SLFN12L: variants seen among roughly 807,000 people sequenced by gnomAD.
The protein encoded by SLFN12L is schlafen family member 12 like, also known as schlafen family member 12-like.
SLFN12L carries 34 observed loss-of-function variants against 34.8 expected under a neutral mutation model. That is an observed-to-expected ratio of 0.98 (90% CI 0.74 to 1.30). The LOEUF is 1.30. Among genes scored for constraint, SLFN12L ranks in the 50% most tolerant of loss-of-function variants. The pLI is 0.00. For synonymous variants in SLFN12L, 259 were observed against 247.5 expected (o/e 1.05, Z -0.44); for missense variants, 703 against 696.2 (o/e 1.01, Z -0.11).
intron 2 of SLFN12L, among the ~76,000 whole-genome samples, chr17:35,519,043 G>A (rs1035388319): frequency 1.3e-5 from 2 of 152,162 alleles, no homozygotes; most frequent in Non-Finnish European, 2.9e-5. Flanking sequence ...TTGCAAAGAC[G>A]TGGATGAAGC....
In SLFN12L at chr17:35,478,998, T is replaced by A. The variant is rs1914161338; in HGVS notation, c.1165+119A>T. On this transcript the variant is annotated intron_variant, in intron 3 of 4. Coordinates refer to ENST00000628453, the MANE Select transcript of SLFN12L (RefSeq NM_001363830.2). The stretch of plus-strand genomic sequence containing the variant: ...AAGAGGCAGGGAAGTATTGGTTGTA[T>A]CCACCAGAGATGTTGAAATTTGAAG... The A allele has an allele frequency of 9.8e-6, 7 of 715,472 alleles. No individual in the cohort carries two copies. In the South Asian group the frequency reaches 1.4e-4, roughly 15 times the overall value. The allele number at this position is 715,472 out of a possible 1,614,324, so 44.3% of individuals were successfully genotyped here.
chr17:35,475,183 T>G lies in SLFN12L; in HGVS notation c.1579A>C (p.Ile527Leu), dbSNP rs767784862. The G allele has an allele frequency of 3.1e-4, 497 of 1,614,072 alleles. No individual in the cohort carries two copies. Among genetic ancestry groups the G allele is most frequent in the Non-Finnish European group, 4.1e-4 (480 of 1,180,040 alleles). Reference sequence around the variant, plus strand: ...CACACTTTTTTAGTGTAACCACCAATTTTTGCCAGCTTCTGTTTTAAAGTT... The same window carrying G: ...CACACTTTTTTAGTGTAACCACCAAGTTTTGCCAGCTTCTGTTTTAAAGTT... The part of the protein sequence containing the change: ...AQTLKQKLAK[I>L]GGYTKKVCVM... Residue 527 changes from isoleucine to leucine, a missense_variant, in exon 5 of 5, where the codon ATT (isoleucine) becomes CTT (leucine). Transcript: ENST00000628453.
At chr17:35,482,821 G>A (rs1914401127) in intron 2 of SLFN12L, among the ~76,000 whole-genome samples, 1 of 152,200 alleles carries the variant, frequency 6.6e-6, no homozygotes, top group Admixed American at 6.5e-5. Flanking sequence ...AGGGCCTGAA[G>A]GCTGGGGACC....
intron 2 of SLFN12L, chr17:35,490,863 T>A: frequency 1.1e-6 from 1 of 936,442 alleles, no homozygotes; most frequent in Non-Finnish European, 1.8e-6. Context: ...ACATTGAGGT[T>A]TACTTATGTC....
In SLFN12L at chr17:35,464,697, T is replaced by C. The variant is rs1053552148; in HGVS notation, c.*10226A>G. The C allele has an allele frequency of 6.6e-6, 1 of 152,166 alleles. No homozygotes were observed. Among genetic ancestry groups the C allele is most frequent in the African/African-American group, 2.4e-5 (1 of 41,438 alleles). The allele number at this position is 152,166 out of a possible 1,614,324, so 9.4% of individuals were successfully genotyped here. Reference sequence around the variant, plus strand: ...ATGAGCATTTAGGTTAATATAGACATAATGAATAGATTGTACATGTACATA... The same window carrying C: ...ATGAGCATTTAGGTTAATATAGACACAATGAATAGATTGTACATGTACATA... On this transcript the variant is annotated 3_prime_UTR_variant, in exon 5 of 5. Coordinates refer to ENST00000628453, the MANE Select transcript of SLFN12L (RefSeq NM_001363830.2).
At chr17:35,530,531 A>G (rs1178623010) in intron 1 of SLFN12L, among the ~76,000 whole-genome samples, 6 of 48,294 alleles carry the variant, frequency 1.2e-4, no homozygotes, top group African/African-American at 3.4e-4. Flanking sequence ...AGAAAAGAAA[A>G]GAAAAGAAAA....
chr17:35,479,872 T>A lies in SLFN12L; in HGVS notation c.410A>T (p.Asp137Val). The change falls in exon 3 of 5, where the codon GAC becomes GTC. Residue 137 changes from aspartate (D) to valine (V), a missense_variant. Physicochemically the swap from Asp to Val is radical, Grantham distance 152. Transcript: ENST00000628453. ...NMLPFVPNFLDFMQNGNYFHI... is the reference protein window; with the variant it reads ...NMLPFVPNFLVFMQNGNYFHI... ...AAAGTAGTTACCATTCTGCATGAAG[T>A]CCAGGAAATTAGGAACAAATGGCAG... is the stretch of plus-strand genomic sequence containing the variant. The A allele has an allele frequency of 6.2e-7, 1 of 1,609,404 alleles. No homozygotes were observed. Among genetic ancestry groups the A allele is most frequent in the African/African-American group, 1.3e-5 (1 of 74,798 alleles).
In SLFN12L at chr17:35,474,456, A is replaced by G. The variant is rs1347008056; in HGVS notation, c.*467T>C. 6.5e-6 allele frequency: 1 copy of G among 152,908 alleles called. No homozygotes were observed. The highest frequency in any genetic ancestry group is 2.4e-5 in the African/African-American group (1 of 41,426). 9.5% of individuals were successfully genotyped at this position (152,908 alleles called of 1,614,324 possible). ...TGCCTAACTTGCAATGTTTTCAAAG[A>G]CGTATTTTTAGAGAATTAGAGAATG... On this transcript the variant is annotated 3_prime_UTR_variant, in exon 5 of 5. Transcript: ENST00000628453.
At chr17:35,491,200 T>A (rs777791742) in intron 2 of SLFN12L, 1 of 1,064,554 alleles carries the variant, frequency 9.4e-7, no homozygotes, top group African/African-American at 1.6e-5. Flanking sequence ...TGCCTATGAT[T>A]TGGAAAAGCT....
chr17:35,480,743 G>A (rs559414337), intron 2 of SLFN12L, among the ~76,000 whole-genome samples: 1 of 151,742 alleles, frequency 6.6e-6, no homozygotes, highest in Non-Finnish European at 1.5e-5. Flanking sequence ...CAAATTTTGG[G>A]CATTGATCGC....
At chr17:35,514,251 G>A (rs1349460600) in intron 2 of SLFN12L, among the ~76,000 whole-genome samples, 1 of 152,194 alleles carries the variant, frequency 6.6e-6, no homozygotes, top group African/African-American at 2.4e-5. Flanking sequence ...ACTGGAAGGT[G>A]GTAATGTTAA....
intron 4 of SLFN12L, among the ~76,000 whole-genome samples, chr17:35,477,450 C>T (rs1386894744): frequency 6.6e-6 from 1 of 151,988 alleles, no homozygotes; most frequent in Non-Finnish European, 1.5e-5. Context: ...TTTAAAACTG[C>T]TAGGGAGAAT....
At chr17:35,506,184 G>C (rs894377900) in intron 2 of SLFN12L, among the ~76,000 whole-genome samples, 2 of 152,164 alleles carry the variant, frequency 1.3e-5, no homozygotes, top group African/African-American at 2.4e-5. Context: ...CAGAAGGAAA[G>C]AAAAGGGATT....
At chr17:35,529,714 G>A (rs551514594) in intron 1 of SLFN12L, among the ~76,000 whole-genome samples, 1 of 152,084 alleles carries the variant, frequency 6.6e-6, no homozygotes, top group African/African-American at 2.4e-5. Flanking sequence ...GGCTAGGGGA[G>A]GGACAACATT....
chr17:35,483,810 G>A (rs1914460082), intron 2 of SLFN12L, among the ~76,000 whole-genome samples: 1 of 152,174 alleles, frequency 6.6e-6, no homozygotes, highest in South Asian at 2.1e-4. Flanking sequence ...GGGCTATAAA[G>A]GGGTCAGAAT....
intron 1 of SLFN12L, among the ~76,000 whole-genome samples, chr17:35,532,785 C>G (rs1226562719): frequency 6.6e-6 from 1 of 151,822 alleles, no homozygotes; most frequent in Admixed American, 6.6e-5. Flanking sequence ...CCCAGCTACT[C>G]AGGAGGCTGA....
At position 35,467,176 on chromosome 17, in the gene SLFN12L, A is replaced by G. The variant is rs1913729509; in HGVS notation, c.*7747T>C. On this transcript the variant is annotated 3_prime_UTR_variant, in exon 5 of 5. Coordinates refer to ENST00000628453, the MANE Select transcript of SLFN12L (RefSeq NM_001363830.2). ...TTACCTGGAAAGCTCCTTTGGATTG[A>G]CTGAGTGAACAGCAATAGAAGTTCA... Among the ~76,000 whole-genome samples, 1 of 152,174 alleles carries G rather than the reference A, an allele frequency of 6.6e-6. No homozygotes were observed. Among genetic ancestry groups the G allele is most frequent in the Non-Finnish European group, 1.5e-5 (1 of 68,038 alleles).
chr17:35,505,825 A>G (rs1458761851), intron 2 of SLFN12L, among the ~76,000 whole-genome samples: 2 of 152,220 alleles, frequency 1.3e-5, no homozygotes, highest in Non-Finnish European at 2.9e-5. Flanking sequence ...CTGAAGCATG[A>G]GAAAACTCTT....
chr17:35,530,038 C>T (rs1046013622), intron 1 of SLFN12L, among the ~76,000 whole-genome samples: 4 of 151,226 alleles, frequency 2.6e-5, no homozygotes, highest in Non-Finnish European at 4.4e-5. Flanking sequence ...CATACTCTTC[C>T]GACTAACATT....
Sources: gnomAD v4.1 joint callset for allele counts (sites outside exome capture counted in the v4.1 genomes callset) on GRCh38, gnomAD v4.1.1 for gene constraint, MANE v1.5 for transcripts, NCBI Gene and HGNC (gene_info 2026-07-23, HGNC 2026-07-21) for gene names.